The following KIAA2012 variants were observed in gnomAD, a reference collection of about 807,000 sequenced individuals.
KIAA2012 encodes the protein uncharacterized protein KIAA2012.
A neutral mutation model predicts 150.6 loss-of-function variants in KIAA2012; 125 were observed. The ratio of observed to expected loss-of-function variants is 0.83; its 90% CI spans 0.72 to 0.96. The LOEUF is 0.96. Ranked by LOEUF, KIAA2012 falls within the 40% of genes least tolerant of loss-of-function variation. The pLI is 0.00. For missense variants in KIAA2012, 1,219 were observed against 1,354.9 expected (o/e 0.90, Z 1.57); for synonymous variants, 462 against 504.7 (o/e 0.92, Z 1.13).
chr2:202,097,587 CTTTTTT>C lies in KIAA2012; in HGVS notation c.828+21_828+26del. 7.0e-7 allele frequency: 1 copy of C among 1,419,272 alleles called. No individual in the cohort carries two copies. The highest frequency in any genetic ancestry group is 9.4e-7 in the Non-Finnish European group (1 of 1,068,904). 87.9% of individuals were successfully genotyped at this position (1,419,272 alleles called of 1,614,324 possible). A position where few individuals can be genotyped will look rare whatever the true frequency, so the allele number is the denominator to read the frequency against. Reference sequence around the variant, plus strand: ...TGAAACGCAGGCAGAGGTACCATTTCTTTTTTTTTTTTTTTTCCCCGAGACGGAGTC... The same window carrying C: ...TGAAACGCAGGCAGAGGTACCATTTCTTTTTTTTTTCCCCGAGACGGAGTC... On this transcript the variant is annotated intron_variant, in intron 5 of 23. Coordinates refer to ENST00000498697, the MANE Select transcript of KIAA2012 (RefSeq NM_001277372.4).
At chr2:202,153,686 T>A (rs1691472110) in intron 13 of KIAA2012, among the ~76,000 whole-genome samples, 1 of 152,240 alleles carries the variant, frequency 6.6e-6, no homozygotes, top group Admixed American at 6.5e-5. Context: ...TATGTTCCAC[T>A]TCCTTATTGA....
At chr2:202,103,789 C>T (rs951442700) in intron 8 of KIAA2012, among the ~76,000 whole-genome samples, 120 of 152,300 alleles carry the variant, frequency 7.9e-4, no homozygotes, top group African/African-American at 2.7e-3. Context: ...TTCCAACTGG[C>T]GACGTGGGCT....
At chr2:202,154,840 T>G (rs1201199806) in intron 14 of KIAA2012, 30 bp downstream of exon 14, 5 of 1,530,700 alleles carry the variant, frequency 3.3e-6, no homozygotes, top group Non-Finnish European at 4.4e-6. Flanking sequence ...ACGAGGGGTT[T>G]TATAGACACA....
At chr2:202,171,958 C>T (rs1392635606) in intron 15 of KIAA2012, among the ~76,000 whole-genome samples, 1 of 151,160 alleles carries the variant, frequency 6.6e-6, no homozygotes, top group African/African-American at 2.4e-5. Context: ...GCAAGTCAGC[C>T]GCCTCAACCT....
chr2:202,166,892 A>G (rs1181792081), intron 15 of KIAA2012, among the ~76,000 whole-genome samples: 1 of 152,188 alleles, frequency 6.6e-6, no homozygotes, highest in Non-Finnish European at 1.5e-5. Context: ...AGTGGCTTTG[A>G]AAAATTGCTC....
rs187005934 is a variant in KIAA2012 at position 202,182,396 on chromosome 2, G to A, written c.2120-2357G>A. The stretch of plus-strand genomic sequence containing the variant: ...AAAAGTGCTGAGATTACAGGCATGA[G>A]CCCCCACACCCAGCCAGCCATATGT... On this transcript the variant is annotated intron_variant, in intron 15 of 23. Transcript: ENST00000498697. Among the ~76,000 whole-genome samples, 14 of 151,918 alleles carry A rather than the reference G, an allele frequency of 9.2e-5. No homozygotes were observed. The East Asian group carries it at 2.7e-3, about 29-fold the overall frequency.
intron 15 of KIAA2012, among the ~76,000 whole-genome samples, chr2:202,180,556 G>T: frequency 1.3e-5 from 2 of 152,162 alleles, no homozygotes; most frequent in South Asian, 4.1e-4. Flanking sequence ...CAGATGCTGT[G>T]GTTCACACCT....
chr2:202,133,130 A>ATATATATATATATTTTTTTTTTT (rs1279080237), intron 12 of KIAA2012, among the ~76,000 whole-genome samples: 8 of 67,780 alleles, frequency 1.2e-4, no homozygotes, highest in South Asian at 5.4e-4. Flanking sequence ...ATATATATAT[A>ATATATATATATATTTTTTTTTTT]TTTTTTTTTT....
At position 202,113,260 on chromosome 2, in the gene KIAA2012, G is replaced by A. The variant is rs371039753; in HGVS notation, c.1652-76G>A. 5.3e-3 allele frequency: 6,040 copies of A among 1,130,762 alleles called. 32 individuals carry two copies. Among genetic ancestry groups the A allele is most frequent in the Non-Finnish European group, 6.9e-3 (5,330 of 776,900 alleles). The allele number at this position is 1,130,762 out of a possible 1,614,324, so 70.0% of individuals were successfully genotyped here. ...GGTGTGTGCCCGCGGGGGACCAGGG[G>A]AACATGGCCCAGGTTTGGTCTGTCT... On this transcript the variant is annotated intron_variant, in intron 10 of 23. Transcript: ENST00000498697.
chr2:202,138,384 C>A, intron 12 of KIAA2012, 48 bp from the exon 13 acceptor site: 2 of 1,381,122 alleles, frequency 1.4e-6, no homozygotes, highest in Non-Finnish European at 2.0e-6. Context: ...GTCATGAGAT[C>A]CAGATCTGAC....
At chr2:202,153,593 C>G (rs906220148) in intron 13 of KIAA2012, among the ~76,000 whole-genome samples, 1 of 152,160 alleles carries the variant, frequency 6.6e-6, no homozygotes, top group Non-Finnish European at 1.5e-5. Flanking sequence ...AAAATTGCAG[C>G]CTCCACTTCC....
intron 11 of KIAA2012, chr2:202,116,644 G>GCA (rs1690535368): frequency 6.6e-6 from 1 of 151,742 alleles, no homozygotes; most frequent in Non-Finnish European, 1.5e-5. Context: ...CATTTAATTA[G>GCA]CATCCTTCCC....
chr2:202,167,070 A>G (rs931949178), intron 15 of KIAA2012, among the ~76,000 whole-genome samples: 1 of 151,850 alleles, frequency 6.6e-6, no homozygotes, highest in Non-Finnish European at 1.5e-5. Context: ...GCTACTCAGG[A>G]GGCTGAGGCA....
intron 2 of KIAA2012, among the ~76,000 whole-genome samples, chr2:202,089,253 T>C (rs1281615879): frequency 2.0e-5 from 3 of 152,256 alleles, no homozygotes; most frequent in Non-Finnish European, 2.9e-5. Flanking sequence ...TAACAAACTT[T>C]CTTTCTCATT....
chr2:202,130,878 C>T (rs1690913141), intron 12 of KIAA2012, among the ~76,000 whole-genome samples: 1 of 151,964 alleles, frequency 6.6e-6, no homozygotes, highest in Non-Finnish European at 1.5e-5. Context: ...GATTGTGCCA[C>T]TGCACTCCAG....
intron 15 of KIAA2012, chr2:202,179,131 G>GT: frequency 2.2e-6 from 1 of 449,382 alleles, no homozygotes. Flanking sequence ...TTTGAGGTTG[G>GT]TTTTGTTTTA....
rs193172779 is a variant in KIAA2012, at chr2:202,081,497, C to T, written c.369+6322C>T. Among the ~76,000 whole-genome samples the T allele has an allele frequency of 5.9e-4, 89 of 152,134 alleles. 1 individual carries two copies. Among genetic ancestry groups the T allele is most frequent in the Admixed American group, 2.2e-3 (34 of 15,294 alleles). ...GCAGCGCACAAGAGTTCCAGTTTCT[C>T]CATATCCTCATCAACACTTGTTACT... On this transcript the variant is annotated intron_variant, in intron 2 of 23. Coordinates refer to ENST00000498697, the MANE Select transcript of KIAA2012 (RefSeq NM_001277372.4).
chr2:202,105,679 A>G (rs1379005664), intron 8 of KIAA2012, 82 bp from the exon 9 acceptor site: 1 of 1,492,876 alleles, frequency 6.7e-7, no homozygotes, highest in African/African-American at 1.4e-5. Flanking sequence ...GTGAGCAGGG[A>G]AGGGATAGGT....
At chr2:202,134,416 C>G (rs1691019035) in intron 12 of KIAA2012, among the ~76,000 whole-genome samples, 1 of 152,154 alleles carries the variant, frequency 6.6e-6, no homozygotes, top group South Asian at 2.1e-4. Context: ...TAGGAAGGAG[C>G]CAGGTGGCCC....
Sources: allele counts gnomAD v4.1 joint callset (sites outside exome capture counted in the v4.1 genomes callset), GRCh38; gene constraint gnomAD v4.1.1; transcripts MANE v1.5; gene names NCBI Gene and HGNC (gene_info 2026-07-23, HGNC 2026-07-21).